DNAH3: variants seen among roughly 807,000 people sequenced by gnomAD.
The protein encoded by DNAH3 is axonemal beta dynein heavy chain 3.
Under a neutral mutation model 432.5 loss-of-function variants are expected in DNAH3, and 332 were observed. That is an observed-to-expected ratio of 0.77 (90% CI 0.70 to 0.84). The LOEUF (loss-of-function observed/expected upper bound fraction) is 0.84. Ranked by LOEUF, DNAH3 falls within the 40% of genes least tolerant of loss-of-function variation. The probability of loss-of-function intolerance (pLI) is 0.00; values close to 1 mark genes in which losing one functional copy is unlikely to be tolerated. For synonymous variants in DNAH3, 1,956 were observed against 1,900.2 expected, an observed-to-expected ratio of 1.03 and a Z score of -0.76; for missense variants, 4,861 against 5,114.0, an observed-to-expected ratio of 0.95 and a Z score of 1.51.
intron 14 of DNAH3, among the ~76,000 whole-genome samples, chr16:21,108,136 T>G (rs1347408669): frequency 3.3e-5 from 5 of 152,186 alleles, no homozygotes; most frequent in African/African-American, 1.2e-4. Flanking sequence ...CCTCCCAAAG[T>G]GCTGGGATTA....
intron 18 of DNAH3, among the ~76,000 whole-genome samples, chr16:21,092,529 A>G (rs2091565007): frequency 6.6e-6 from 1 of 151,984 alleles, no homozygotes; most frequent in Non-Finnish European, 1.5e-5. Context: ...CCTAGAAGAT[A>G]ACATAGGAGA....
intron 1 of DNAH3, among the ~76,000 whole-genome samples, chr16:21,155,448 C>T (rs999343215): frequency 6.6e-6 from 1 of 151,526 alleles, no homozygotes; most frequent in Non-Finnish European, 1.5e-5. Flanking sequence ...ATGGTGAAAC[C>T]CTGTCTCTAC....
chr16:20,985,797 G>A, intron 47 of DNAH3, 82 bp from the exon 48 acceptor site: 1 of 1,401,718 alleles, frequency 7.1e-7, no homozygotes, highest in South Asian at 1.3e-5. Context: ...GGAGGGCATG[G>A]GAGACGTGGC....
At chr16:21,140,317 T>TA in intron 5 of DNAH3, 1 of 405,086 alleles carries the variant, frequency 2.5e-6, no homozygotes, top group Non-Finnish European at 4.4e-6. Context: ...TTCCATCACT[T>TA]ACTAGGGCAG....
chr16:21,036,154 A>G (rs2089155006), intron 35 of DNAH3, among the ~76,000 whole-genome samples: 2 of 152,088 alleles, frequency 1.3e-5, no homozygotes, highest in Non-Finnish European at 2.9e-5. Flanking sequence ...GTGAAACCCC[A>G]TCCCTACAAA....
chr16:20,954,743 C>T, intron 55 of DNAH3, 70 bp downstream of exon 55: 2 of 1,544,436 alleles, frequency 1.3e-6, no homozygotes, highest in Non-Finnish European at 1.8e-6. Flanking sequence ...TAAACACGCA[C>T]CTGGAAACAC....
intron 12 of DNAH3, among the ~76,000 whole-genome samples, chr16:21,112,557 A>T (rs2092100968): frequency 6.6e-6 from 1 of 152,216 alleles, no homozygotes; most frequent in Non-Finnish European, 1.5e-5. Flanking sequence ...AGACTTATTC[A>T]CTATCATGAG....
intron 48 of DNAH3, among the ~76,000 whole-genome samples, chr16:20,984,161 A>ATGTGTGTGTG (rs61445558): frequency 0.021 from 3,233 of 150,700 alleles, 129 homozygotes; most frequent in African/African-American, 0.075. Context: ...CCTTATCCCA[A>ATGTGTGTGTG]TGTGTGTGTG....
At chr16:21,098,506 C>A in intron 17 of DNAH3, 110 bp downstream of exon 17, 5 of 1,074,638 alleles carry the variant, frequency 4.7e-6, no homozygotes, top group South Asian at 2.1e-5. Flanking sequence ...AATGAGTTAA[C>A]CAATACTATC....
rs1048397810 is a variant in DNAH3 at position 21,036,261 on chromosome 16, G to T, written c.5085+453C>A. ...GAATCGCTGGAACCTGGGAGGCAGA[G>T]GTTGCAGTGAGCCAAGATTGCACCA... On this transcript the variant is annotated intron_variant, in intron 35 of 61. Transcript: ENST00000261383. Among the ~76,000 whole-genome samples the T allele has an allele frequency of 2.6e-5, 4 of 152,262 alleles. No individual in the cohort carries two copies. The East Asian group carries it at 7.7e-4, about 29-fold the overall frequency.
At chr16:21,091,599 C>T (rs912489569) in intron 18 of DNAH3, among the ~76,000 whole-genome samples, 3 of 152,028 alleles carry the variant, frequency 2.0e-5, no homozygotes, top group Non-Finnish European at 2.9e-5. Flanking sequence ...AGGTGGATCA[C>T]GAGGTCAGGA....
intron 1 of DNAH3, among the ~76,000 whole-genome samples, chr16:21,155,705 T>C (rs1253758356): frequency 6.6e-6 from 1 of 151,884 alleles, no homozygotes; most frequent in Non-Finnish European, 1.5e-5. Context: ...TACTAAAAAG[T>C]TACCCATTAT....
At chr16:20,991,696 ATACT>A (rs1195795493) in intron 44 of DNAH3, among the ~76,000 whole-genome samples, 1 of 152,104 alleles carries the variant, frequency 6.6e-6, no homozygotes, top group Non-Finnish European at 1.5e-5. Flanking sequence ...TGTTGATTAC[ATACT>A]TATGATGCAG....
chr16:20,970,094 C>A, intron 51 of DNAH3, 104 bp from the exon 52 acceptor site: 1 of 1,088,224 alleles, frequency 9.2e-7, no homozygotes, highest in East Asian at 2.4e-5. Flanking sequence ...GAGGTGCTTC[C>A]TCTTCCAGAT....
In DNAH3 at chr16:21,103,354, T is replaced by G. The variant is rs1057181597; in HGVS notation, c.2366+1117A>C. Among the ~76,000 whole-genome samples, 584 of 67,420 alleles carry G rather than the reference T, an allele frequency of 8.7e-3. 2 individuals are homozygous for G. The highest frequency in any genetic ancestry group is 0.027 in the Middle Eastern group (3 of 110). 44.2% of individuals were successfully genotyped at this position (67,420 alleles called of 152,430 possible). On this transcript the variant is annotated intron_variant, in intron 16 of 61. Transcript: ENST00000261383. ...GAAAAGGGTGTAGAGGGTGTGTGTG[T>G]GGGGGGGGGCAGGGTGGGGGAGTTG...
chr16:20,939,551 G>A (rs972180681), intron 59 of DNAH3, among the ~76,000 whole-genome samples: 4 of 151,036 alleles, frequency 2.6e-5, no homozygotes, highest in Admixed American at 1.3e-4. Flanking sequence ...GGTGGAGGTC[G>A]CAGTGAGCCG....
rs144399662 is a variant in DNAH3, at chr16:20,994,592, G to C, written c.6601+2691C>G. ...CAACCATCTCCACCATTCATCTACA[G>C]AACTTTCATCTTCCCAAACTAAAAA... is the stretch of plus-strand genomic sequence containing the variant. On this transcript the variant is annotated intron_variant, in intron 44 of 61. Coordinates refer to ENST00000261383, the Ensembl canonical transcript of DNAH3. Among the ~76,000 whole-genome samples, 19 of 152,238 alleles carry C rather than the reference G, an allele frequency of 1.2e-4. 1 individual carries two copies. The highest frequency in any genetic ancestry group is 4.6e-4 in the African/African-American group (19 of 41,552).
rs370003619 is a variant in DNAH3 at position 21,075,603 on chromosome 16, G to A, written c.2970-42C>T. 75 of 1,468,012 alleles carry A rather than the reference G, an allele frequency of 5.1e-5. No individual in the cohort carries two copies. The Admixed American group carries it at 1.3e-3, about 25-fold the overall frequency. 90.9% of individuals were successfully genotyped at this position (1,468,012 alleles called of 1,614,324 possible). ...GCAACAGCAACATCAACAGGAGGCA[G>A]AGAAGACACATCAAAGGAGGAACTT... is the stretch of plus-strand genomic sequence containing the variant. On this transcript the variant is annotated intron_variant, in intron 20 of 61. Coordinates refer to ENST00000261383, the Ensembl canonical transcript of DNAH3.
chr16:21,123,420 C>T (rs1175283438), intron 9 of DNAH3, among the ~76,000 whole-genome samples: 1 of 152,172 alleles, frequency 6.6e-6, no homozygotes, highest in East Asian at 1.9e-4. Context: ...ATTTTCCAGA[C>T]ACAGGAAGAT....
Sources: gnomAD v4.1 joint callset for allele counts (sites outside exome capture counted in the v4.1 genomes callset) on GRCh38, gnomAD v4.1.1 for gene constraint, MANE v1.5 for transcripts, NCBI Gene and HGNC (gene_info 2026-07-23, HGNC 2026-07-21) for gene names.